Variants in DNAJC1 observed in about 807,000 individuals in gnomAD.
DNAJC1 encodes the protein DnaJ heat shock protein family (Hsp40) member C1.
DNAJC1 carries 58 observed loss-of-function variants against 76.6 expected under a neutral mutation model. The ratio of observed to expected loss-of-function variants is 0.76; its 90% CI spans 0.61 to 0.94. The LOEUF is 0.94. Among genes scored for constraint, DNAJC1 ranks in the 40% least tolerant of loss-of-function variants. The pLI is 0.00. For synonymous variants in DNAJC1, 258 were observed against 267.9 expected (o/e 0.96, Z 0.36); for missense variants, 689 against 677.3 (o/e 1.02, Z -0.19).
intron 9 of DNAJC1, among the ~76,000 whole-genome samples, chr10:21,778,647 A>G (rs1274080814): frequency 6.6e-6 from 1 of 152,248 alleles, no homozygotes; most frequent in Admixed American, 6.5e-5. Context: ...GAACAGCTCT[A>G]GTCTACAGCT....
intron 6 of DNAJC1, among the ~76,000 whole-genome samples, chr10:21,910,606 A>G (rs1836839014): frequency 6.6e-6 from 1 of 152,028 alleles, no homozygotes; most frequent in Non-Finnish European, 1.5e-5. Flanking sequence ...GTGGGAGCTG[A>G]AAAATGAGAA....
intron 9 of DNAJC1, among the ~76,000 whole-genome samples, chr10:21,796,732 G>T (rs1023926840): frequency 6.6e-6 from 1 of 151,944 alleles, no homozygotes; most frequent in Non-Finnish European, 1.5e-5. Flanking sequence ...ATACCTGTTG[G>T]CCATTTCTAT....
chr10:21,809,628 T>C (rs1460063971), intron 8 of DNAJC1, among the ~76,000 whole-genome samples: 1 of 151,836 alleles, frequency 6.6e-6, no homozygotes, highest in Admixed American at 6.6e-5. Flanking sequence ...ATATCTAATA[T>C]GTATTAGATG....
intron 9 of DNAJC1, among the ~76,000 whole-genome samples, chr10:21,784,310 T>A (rs1272093484): frequency 6.6e-6 from 1 of 152,214 alleles, no homozygotes; most frequent in African/African-American, 2.4e-5. Flanking sequence ...ATGCTCATCA[T>A]CACTGGCCAT....
chr10:21,866,134 C>CAAAAAAAAAAAA (rs1306930222), intron 8 of DNAJC1, among the ~76,000 whole-genome samples: 5 of 33,988 alleles, frequency 1.5e-4, no homozygotes, highest in African/African-American at 1.9e-4. Context: ...GACTTCAACT[C>CAAAAAAAAAAAA]AAAAAAAAAA....
At chr10:21,776,978 A>C (rs1670207716) in intron 9 of DNAJC1, among the ~76,000 whole-genome samples, 2 of 152,194 alleles carry the variant, frequency 1.3e-5, no homozygotes, top group African/African-American at 4.8e-5. Context: ...AATTGCATTA[A>C]CATGTAATAG....
chr10:21,758,854 A>G (rs1288874606), intron 11 of DNAJC1, among the ~76,000 whole-genome samples: 1 of 152,168 alleles, frequency 6.6e-6, no homozygotes, highest in African/African-American at 2.4e-5. Context: ...TGAGCCTCCC[A>G]TGTGCCCTTA....
chr10:21,839,565 T>C (rs1385341132), intron 8 of DNAJC1, among the ~76,000 whole-genome samples: 7 of 152,096 alleles, frequency 4.6e-5, no homozygotes, highest in African/African-American at 1.7e-4. Flanking sequence ...AAGTCGAATC[T>C]CTGAATAGAC....
At chr10:21,995,924 A>C (rs971237097) in intron 1 of DNAJC1, among the ~76,000 whole-genome samples, 1 of 152,216 alleles carries the variant, frequency 6.6e-6, no homozygotes, top group Admixed American at 6.5e-5. Flanking sequence ...ATTTCAGTAA[A>C]TATAAGTAAT....
chr10:21,841,991 G>T (rs896851158), intron 8 of DNAJC1, among the ~76,000 whole-genome samples: 1 of 150,870 alleles, frequency 6.6e-6, no homozygotes, highest in Non-Finnish European at 1.5e-5. Flanking sequence ...GCAAAGTATT[G>T]CAAGGACAAA....
chr10:21,968,357 T>C (rs989842456), intron 1 of DNAJC1, among the ~76,000 whole-genome samples: 2 of 152,196 alleles, frequency 1.3e-5, no homozygotes, highest in Non-Finnish European at 2.9e-5. Context: ...TCTTATCTCA[T>C]AGGTGAGAAA....
At chr10:21,873,478 G>A (rs1337275283) in intron 8 of DNAJC1, among the ~76,000 whole-genome samples, 4 of 151,726 alleles carry the variant, frequency 2.6e-5, no homozygotes, top group African/African-American at 9.7e-5. Context: ...CAAAAGTGGT[G>A]AAAAAAAATT....
At chr10:21,856,485 TC>T (rs1160248005) in intron 8 of DNAJC1, among the ~76,000 whole-genome samples, 1 of 152,198 alleles carries the variant, frequency 6.6e-6, no homozygotes, top group Non-Finnish European at 1.5e-5. Context: ...TGCATCTACT[TC>T]CAATTCCACT....
chr10:21,878,697 T>G (rs1057046859), intron 8 of DNAJC1, among the ~76,000 whole-genome samples: 3 of 152,142 alleles, frequency 2.0e-5, no homozygotes, highest in African/African-American at 7.2e-5. Flanking sequence ...TCCAAAATAT[T>G]TTTTGGAAAA....
At position 22,003,604 on chromosome 10, in the gene DNAJC1, G is replaced by A. The variant is rs1488720093; in HGVS notation, c.-170C>T. ...CCCAGACAGAGCGCGGAGGCGGCGGGAGCCGGCTGCCGGACGGGCGGGTGG... is the reference window on the plus strand; with the variant it reads ...CCCAGACAGAGCGCGGAGGCGGCGGAAGCCGGCTGCCGGACGGGCGGGTGG... On this transcript the variant is annotated 5_prime_UTR_variant, in exon 1 of 12. Coordinates refer to ENST00000376980, the MANE Select transcript of DNAJC1 (RefSeq NM_022365.4). 2.5e-6 allele frequency: 2 copies of A among 805,190 alleles called. No homozygotes were observed. Among genetic ancestry groups the A allele is most frequent in the African/African-American group, 3.6e-5 (2 of 55,370 alleles). The allele number at this position is 805,190 out of a possible 1,614,324, so 49.9% of individuals were successfully genotyped here.
intron 8 of DNAJC1, among the ~76,000 whole-genome samples, chr10:21,823,190 G>GC (rs1835189081): frequency 6.6e-6 from 1 of 152,150 alleles, no homozygotes; most frequent in African/African-American, 2.4e-5. Flanking sequence ...TATTAGAGGA[G>GC]CTTTTTAGGA....
chr10:21,926,132 T>G (rs1837123925), intron 3 of DNAJC1, among the ~76,000 whole-genome samples: 1 of 152,166 alleles, frequency 6.6e-6, no homozygotes, highest in Non-Finnish European at 1.5e-5. Flanking sequence ...TTGTATTTTT[T>G]GCAGAGACGA....
At chr10:21,961,050 T>G (rs927555269) in intron 1 of DNAJC1, among the ~76,000 whole-genome samples, 2 of 152,140 alleles carry the variant, frequency 1.3e-5, no homozygotes, top group Admixed American at 1.3e-4. Context: ...ACAACTACAA[T>G]CATTATAATT....
intron 8 of DNAJC1, among the ~76,000 whole-genome samples, chr10:21,867,622 A>T (rs763712816): frequency 4.6e-5 from 7 of 152,132 alleles, no homozygotes; most frequent in Non-Finnish European, 7.3e-5. Context: ...CTGAAAACCC[A>T]GGAGTAGATC....
Sources: allele counts gnomAD v4.1 joint callset (sites outside exome capture counted in the v4.1 genomes callset), GRCh38; gene constraint gnomAD v4.1.1; transcripts MANE v1.5; gene names NCBI Gene and HGNC (gene_info 2026-07-23, HGNC 2026-07-21).